MEGF6: variants seen among roughly 807,000 people sequenced by gnomAD.
The protein encoded by MEGF6 is multiple epidermal growth factor-like domains protein 6.
Under a neutral mutation model 207.1 loss-of-function variants are expected in MEGF6, and 184 were observed. The ratio of observed to expected loss-of-function variants is 0.89; its 90% CI spans 0.79 to 1.00. MEGF6 has a LOEUF of 1.00. Ranked by LOEUF, MEGF6 falls within the 50% of genes least tolerant of loss-of-function variation. The pLI is 0.00. For missense variants in MEGF6, 2,282 were observed against 2,202.9 expected, an observed-to-expected ratio of 1.04 and a Z score of -0.72; for synonymous variants, 1,038 against 910.0, an observed-to-expected ratio of 1.14 and a Z score of -2.53.
intron 4 of MEGF6, among the ~76,000 whole-genome samples, chr1:3,570,343 C>T (rs1643461947): frequency 6.6e-6 from 1 of 152,146 alleles, no homozygotes; most frequent in South Asian, 2.1e-4. Flanking sequence ...GGCCGCCCGG[C>T]AGGCACTGGC....
chr1:3,563,123 C>A (rs1277674852), intron 4 of MEGF6, among the ~76,000 whole-genome samples: 1 of 152,194 alleles, frequency 6.6e-6, no homozygotes, highest in Non-Finnish European at 1.5e-5. Context: ...CCTGCCCCTG[C>A]CCCCTGTGTG....
intron 4 of MEGF6, among the ~76,000 whole-genome samples, chr1:3,579,232 G>A (rs1019999871): frequency 5.0e-4 from 76 of 152,220 alleles, no homozygotes; most frequent in South Asian, 2.1e-4. Context: ...AGGCTCTGCC[G>A]CTTTTCCCCG....
At chr1:3,529,598 A>C (rs951312259) in intron 4 of MEGF6, among the ~76,000 whole-genome samples, 1 of 152,240 alleles carries the variant, frequency 6.6e-6, no homozygotes, top group Non-Finnish European at 1.5e-5. Flanking sequence ...CTGTCAGCAC[A>C]CTGGCACACA....
chr1:3,558,009 C>T (rs566954658), intron 4 of MEGF6, among the ~76,000 whole-genome samples: 7 of 152,278 alleles, frequency 4.6e-5, no homozygotes, highest in South Asian at 2.1e-4. Context: ...AGCATGCTTC[C>T]GCGGTGCAGC....
At chr1:3,525,859 C>G (rs966485070) in intron 4 of MEGF6, among the ~76,000 whole-genome samples, 2 of 152,204 alleles carry the variant, frequency 1.3e-5, no homozygotes, top group Admixed American at 1.3e-4. Flanking sequence ...ACCCTCCAGG[C>G]CCCCCTCGCC....
At chr1:3,547,770 G>A (rs1234837238) in intron 4 of MEGF6, among the ~76,000 whole-genome samples, 2 of 152,168 alleles carry the variant, frequency 1.3e-5, no homozygotes, top group Non-Finnish European at 2.9e-5. Flanking sequence ...TTGCGGGTGC[G>A]GGAATGTGGC....
intron 4 of MEGF6, among the ~76,000 whole-genome samples, chr1:3,544,420 T>C (rs562132996): frequency 6.7e-4 from 96 of 143,360 alleles, no homozygotes; most frequent in African/African-American, 2.9e-3. Context: ...GCACAGCCTT[T>C]GTGCAGGGGC....
chr1:3,609,757 A>G (rs1360342667), intron 1 of MEGF6, among the ~76,000 whole-genome samples: 1 of 151,866 alleles, frequency 6.6e-6, no homozygotes, highest in African/African-American at 2.4e-5. Context: ...CAGACCCTCC[A>G]CTCCTCCCCT....
At chr1:3,531,388 T>C in intron 4 of MEGF6, 2 of 1,164,862 alleles carry the variant, frequency 1.7e-6, no homozygotes, top group South Asian at 4.3e-5. Flanking sequence ...TCCGCTCCGC[T>C]CGGCGCCGCC....
At chr1:3,530,714 G>A (rs75413213) in intron 4 of MEGF6, among the ~76,000 whole-genome samples, 11,588 of 152,300 alleles carry the variant, frequency 0.076, 606 homozygotes, top group South Asian at 0.13. Context: ...CAGCTCCGGG[G>A]GTCTCAAAGG....
chr1:3,582,437 C>T (rs1643821924), intron 3 of MEGF6, among the ~76,000 whole-genome samples: 1 of 152,204 alleles, frequency 6.6e-6, no homozygotes, highest in Admixed American at 6.5e-5. Flanking sequence ...CTTGAACACA[C>T]CCACGTCTCT....
chr1:3,569,894 G>A (rs1477142272), intron 4 of MEGF6, among the ~76,000 whole-genome samples: 8 of 152,364 alleles, frequency 5.3e-5, no homozygotes. Context: ...GCCAGCATGG[G>A]AGAGGCCACA....
At chr1:3,540,057 T>C (rs1230449607) in intron 4 of MEGF6, among the ~76,000 whole-genome samples, 1 of 152,178 alleles carries the variant, frequency 6.6e-6, no homozygotes, top group African/African-American at 2.4e-5. Flanking sequence ...CACAGATGCC[T>C]GCAGGCTGCC....
chr1:3,536,762 C>T (rs1371657251), intron 4 of MEGF6, among the ~76,000 whole-genome samples: 1 of 152,242 alleles, frequency 6.6e-6, no homozygotes, highest in Non-Finnish European at 1.5e-5. Context: ...CAGGCTCCTG[C>T]CAGGACCCAG....
intron 20 of MEGF6, 40 bp from the exon 21 acceptor site, chr1:3,500,804 G>A (rs749230305): frequency 5.6e-6 from 9 of 1,597,076 alleles, no homozygotes; most frequent in South Asian, 3.4e-5. Context: ...AGGCCCAAGC[G>A]CGGGCCACGG....
chr1:3,531,534 C>T (rs1378042509), intron 4 of MEGF6: 58 of 1,018,740 alleles, frequency 5.7e-5, no homozygotes, highest in Non-Finnish European at 6.1e-5. Context: ...CCCCGCCCCA[C>T]CTCCCCCAGG....
chr1:3,554,699 C>G (rs1291677249), intron 4 of MEGF6, among the ~76,000 whole-genome samples: 1 of 152,232 alleles, frequency 6.6e-6, no homozygotes, highest in East Asian at 1.9e-4. Flanking sequence ...GGTCCCCCTG[C>G]CCCTCCTCTC....
At position 3,488,402 on chromosome 1, in the gene MEGF6, C is replaced by T. The variant is rs1307513937; in HGVS notation, c.*2126G>A. 1.3e-5 allele frequency among the ~76,000 whole-genome samples: 2 copies of T among 152,178 alleles called. No homozygotes were observed. Among genetic ancestry groups the T allele is most frequent in the African/African-American group, 2.4e-5 (1 of 41,444 alleles). On this transcript the variant is annotated 3_prime_UTR_variant, in exon 37 of 37. Transcript: ENST00000356575. Reference sequence around the variant, plus strand: ...CACCCTCACACCATGCTGAGACTGTCGGGGGTTCCCATTGGGGAGTAATGG... The same window carrying T: ...CACCCTCACACCATGCTGAGACTGTTGGGGGTTCCCATTGGGGAGTAATGG...
At chr1:3,567,534 C>CA (rs917970842) in intron 4 of MEGF6, among the ~76,000 whole-genome samples, 1 of 152,208 alleles carries the variant, frequency 6.6e-6, no homozygotes, top group African/African-American at 2.4e-5. Flanking sequence ...ACATGCCCCC[C>CA]CCAGGCTCTC....
Sources: allele counts gnomAD v4.1 joint callset (sites outside exome capture counted in the v4.1 genomes callset), GRCh38; gene constraint gnomAD v4.1.1; transcripts MANE v1.5; gene names NCBI Gene and HGNC (gene_info 2026-07-23, HGNC 2026-07-21).